The following DNA2 variants were observed in gnomAD, a reference collection of about 807,000 sequenced individuals.
DNA2 encodes DNA replication helicase/nuclease 2.
DNA2 carries 101 observed loss-of-function variants against 119.1 expected under a neutral mutation model. The observed-to-expected ratio is 0.85, with a 90% CI of 0.72 to 1.00. The LOEUF is 1.00. Ranked by LOEUF, DNA2 falls within the 50% of genes least tolerant of loss-of-function variation. The pLI, the probability that DNA2 is intolerant of heterozygous loss-of-function variation, is 0.00. For missense variants in DNA2, 1,121 were observed against 1,255.5 expected (o/e 0.89, Z 1.62); for synonymous variants, 366 against 424.4 (o/e 0.86, Z 1.69).
At chr10:68,416,178 G>A (rs921661125) in intron 20 of DNA2, among the ~76,000 whole-genome samples, 4 of 151,950 alleles carry the variant, frequency 2.6e-5, no homozygotes, top group African/African-American at 9.7e-5. Context: ...CTTCTTGGGG[G>A]AAAAAAAGGC....
At chr10:68,425,088 C>CTTTTTTTTTTTTTTTTTTTTTTTTTT in intron 14 of DNA2, 1 of 122,572 alleles carries the variant, frequency 8.2e-6, no homozygotes, top group Non-Finnish European at 1.4e-5. Flanking sequence ...TGGAACATTT[C>CTTTTTTTTTTTTTTTTTTTTTTTTTT]TTTTTTTTTT....
At chr10:68,459,605 A>G (rs1053446077) in intron 4 of DNA2, among the ~76,000 whole-genome samples, 3 of 152,184 alleles carry the variant, frequency 2.0e-5, no homozygotes, top group Non-Finnish European at 2.9e-5. Flanking sequence ...GGAGGAGGAA[A>G]GAAGGGAGCG....
rs1564873010 is a variant in DNA2, at chr10:68,414,363, A to G, written c.*676T>C. ...CCCCCAAACATAGGGGCATATGAAC[A>G]TATGTGAAAATAGGAATCAACTTTT... is the stretch of plus-strand genomic sequence containing the variant. On this transcript the variant is annotated 3_prime_UTR_variant, in exon 21 of 21. Transcript: ENST00000358410. 2 of 152,184 alleles carry G rather than the reference A, an allele frequency of 1.3e-5. No individual in the cohort carries two copies. Among genetic ancestry groups the G allele is most frequent in the Admixed American group, 6.5e-5 (1 of 15,270 alleles). 9.4% of individuals were successfully genotyped at this position (152,184 alleles called of 1,614,324 possible).
At chr10:68,431,504 T>C (rs1321734049) in intron 13 of DNA2, among the ~76,000 whole-genome samples, 1 of 151,974 alleles carries the variant, frequency 6.6e-6, no homozygotes, top group Non-Finnish European at 1.5e-5. Context: ...AGGCTGGTCT[T>C]GAACTCCTGA....
Position 68,446,437 on chromosome 10 carries a change from C to T in DNA2, c.940-24G>A, listed in dbSNP as rs144413502. The T allele has an allele frequency of 3.7e-4, 503 of 1,374,460 alleles. 1 individual carries two copies. In the African/African-American group the frequency reaches 6.4e-3, roughly 18 times the overall value. The allele number at this position is 1,374,460 out of a possible 1,614,324, so 85.1% of individuals were successfully genotyped here. ...ACCTGTGCAAACATTGACATTTGCT[C>T]AAACAAAACTATAACTTCTTGTATT... On this transcript the variant is annotated intron_variant, in intron 6 of 20. Transcript: ENST00000358410.
At chr10:68,464,280 A>G (rs1457629443) in intron 4 of DNA2, among the ~76,000 whole-genome samples, 1 of 152,168 alleles carries the variant, frequency 6.6e-6, no homozygotes, top group Non-Finnish European at 1.5e-5. Flanking sequence ...TGGGACGCCA[A>G]GGTGGGTGGA....
chr10:68,414,947 G>T lies in DNA2; in HGVS notation c.*92C>A. Reference sequence around the variant, plus strand: ...ACCTGTGCTTTAAAACATAAATACTGCATTAAATTTTGTATGGTGATAGAA... The same window carrying T: ...ACCTGTGCTTTAAAACATAAATACTTCATTAAATTTTGTATGGTGATAGAA... On this transcript the variant is annotated 3_prime_UTR_variant, in exon 21 of 21. Transcript: ENST00000358410. 2.6e-6 allele frequency: 2 copies of T among 777,988 alleles called. No individual in the cohort carries two copies. The highest frequency in any genetic ancestry group is 2.4e-4 in the Middle Eastern group (1 of 4,236). The allele number at this position is 777,988 out of a possible 1,614,324, so 48.2% of individuals were successfully genotyped here. A position where few individuals can be genotyped will look rare whatever the true frequency, so the allele number is the denominator to read the frequency against.
At chr10:68,472,008 C>G (rs374551801), upstream of DNA2, 23 of 1,609,918 alleles carry the variant, frequency 1.4e-5, no homozygotes, top group Non-Finnish European at 1.9e-5. Flanking sequence ...TGACCTGCGC[C>G]AGGCCGCCCC....
At chr10:68,454,220 T>C (rs1360693052) in intron 5 of DNA2, among the ~76,000 whole-genome samples, 1 of 152,170 alleles carries the variant, frequency 6.6e-6, no homozygotes, top group African/African-American at 2.4e-5. Flanking sequence ...CTGAGGGCTT[T>C]AGTTATCCCT....
At chr10:68,472,045 G>T (rs372027941), upstream of DNA2, 1 of 1,603,098 alleles carries the variant, frequency 6.2e-7, no homozygotes, top group Non-Finnish European at 8.5e-7. Context: ...TCCACGTGGG[G>T]CCCCTCACCT....
In DNA2 at chr10:68,459,248, T is replaced by A; in HGVS notation, c.588-13A>T. 6.5e-7 allele frequency: 1 copy of A among 1,533,850 alleles called. No homozygotes were observed. Among genetic ancestry groups the A allele is most frequent in the South Asian group, 1.3e-5 (1 of 79,960 alleles). ...ATTTAAGCGGTACCTGCCAAAAATA[T>A]AATAGTAAATAGACTTAGACTTAAG... is the stretch of plus-strand genomic sequence containing the variant. On this transcript the variant is annotated splice_polypyrimidine_tract_variant and intron_variant, in intron 4 of 20. Transcript: ENST00000358410.
At chr10:68,429,825 T>TA (rs2051795421) in intron 14 of DNA2, among the ~76,000 whole-genome samples, 1 of 151,168 alleles carries the variant, frequency 6.6e-6, no homozygotes, top group Non-Finnish European at 1.5e-5. Context: ...CTAGAGATAG[T>TA]TATCACAAGA....
intron 13 of DNA2, among the ~76,000 whole-genome samples, chr10:68,431,205 C>T (rs2051815345): frequency 1.5e-5 from 2 of 130,844 alleles, no homozygotes; most frequent in Admixed American, 7.7e-5. Context: ...AACAAGACTC[C>T]ATCTCAAAAA....
At chr10:68,454,216 G>T (rs1302037968) in intron 5 of DNA2, among the ~76,000 whole-genome samples, 1 of 151,928 alleles carries the variant, frequency 6.6e-6, no homozygotes, top group Non-Finnish European at 1.5e-5. Context: ...GTTCCTGAGG[G>T]CTTTAGTTAT....
chr10:68,451,674 TTAGAA>T lies in DNA2; in HGVS notation c.720-1432_720-1428del, dbSNP rs1327483000. On this transcript the variant is annotated intron_variant, in intron 5 of 20. Coordinates refer to ENST00000358410, the MANE Select transcript of DNA2 (RefSeq NM_001080449.3). Reference sequence around the variant, plus strand: ...TTTAAAAATAGAATAATTCTAGTGGTTAGAATAGATTATTTAGTTGATTTTTGTTT... The same window carrying T: ...TTTAAAAATAGAATAATTCTAGTGGTTAGATTATTTAGTTGATTTTTGTTT... 3.3e-5 allele frequency among the ~76,000 whole-genome samples: 5 copies of T among 152,148 alleles called. No homozygotes were observed. The East Asian group carries it at 7.7e-4, about 23-fold the overall frequency.
chr10:68,446,411 A>T lies in DNA2; in HGVS notation c.942T>A (p.Val314=). ...ESNSIEHRSQ[V]VLYTLLSQER... ...CTTGGCTTAGTAGAGTGTACAGAAC[A>T]ACCTGTGCAAACATTGACATTTGCT... The change falls in exon 7 of 21, where the codon GTT becomes GTA. Residue 314 remains valine, a splice_region_variant and synonymous_variant. Transcript: ENST00000358410. 1.3e-6 allele frequency: 2 copies of T among 1,556,750 alleles called. No individual in the cohort carries two copies. Among genetic ancestry groups the T allele is most frequent in the Middle Eastern group, 1.7e-4 (1 of 5,972 alleles).
chr10:68,437,867 C>A (rs116335964), intron 9 of DNA2, among the ~76,000 whole-genome samples: 1 of 151,880 alleles, frequency 6.6e-6, no homozygotes, highest in East Asian at 2.0e-4. Context: ...TACACCACCA[C>A]GACAAGCTAA....
intron 5 of DNA2, among the ~76,000 whole-genome samples, chr10:68,456,233 A>AG (rs2052180719): frequency 2.7e-5 from 4 of 150,174 alleles, no homozygotes; most frequent in South Asian, 2.1e-4. Context: ...ACAGAGAGAG[A>AG]AAAAAAAAAG....
chr10:68,456,279 T>A (rs2052181326), intron 5 of DNA2, among the ~76,000 whole-genome samples: 1 of 152,026 alleles, frequency 6.6e-6, no homozygotes. Context: ...CACACACAAG[T>A]TAAGGAGCCT....
Sources: gnomAD v4.1 joint callset for allele counts (sites outside exome capture counted in the v4.1 genomes callset) on GRCh38, gnomAD v4.1.1 for gene constraint, MANE v1.5 for transcripts, NCBI Gene and HGNC (gene_info 2026-07-23, HGNC 2026-07-21) for gene names.